The following FBN3 variants were observed in gnomAD, a reference collection of about 807,000 sequenced individuals.
FBN3 encodes the protein fibrillin 3, also known as fibrillin-3.
FBN3 carries 234 observed loss-of-function variants against 330.1 expected under a neutral mutation model. The observed-to-expected ratio is 0.71, with a 90% CI of 0.64 to 0.79. The LOEUF is 0.79. FBN3 is among the 30% of genes least tolerant of loss of function. FBN3 has a pLI of 0.00. For synonymous variants in FBN3, 1,458 were observed against 1,517.3 expected, an observed-to-expected ratio of 0.96 and a Z score of 0.91; for missense variants, 3,606 against 3,886.9, an observed-to-expected ratio of 0.93 and a Z score of 1.92.
At chr19:8,111,613 C>T in intron 32 of FBN3, 35 bp downstream of exon 32, 3 of 1,447,270 alleles carry the variant, frequency 2.1e-6, no homozygotes, top group Non-Finnish European at 2.9e-6. Context: ...GGCTGTCCCT[C>T]TAGGGCCCCT....
At chr19:8,135,939 C>A in intron 13 of FBN3, 22 bp downstream of exon 13, 6 of 385,868 alleles carry the variant, frequency 1.6e-5, no homozygotes, top group South Asian at 3.9e-5. Context: ...AGCCCCTGCC[C>A]ACCCGCCCAC....
intron 13 of FBN3, 27 bp downstream of exon 13, chr19:8,135,934 C>CAGGGGG: frequency 1.6e-6 from 2 of 1,284,382 alleles, no homozygotes; most frequent in Non-Finnish European, 2.1e-6. Context: ...CCGGAAGCCC[C>CAGGGGG]TGCCCACCCG....
chr19:8,092,051 G>A (rs991142347), intron 47 of FBN3, among the ~76,000 whole-genome samples: 2 of 151,870 alleles, frequency 1.3e-5, no homozygotes, highest in Non-Finnish European at 2.9e-5. Flanking sequence ...GGTGGTGGGC[G>A]CCTGTAGTCC....
chr19:8,141,880 A>T, intron 7 of FBN3, 38 bp from the exon 8 acceptor site: 1 of 1,612,522 alleles, frequency 6.2e-7, no homozygotes, highest in Non-Finnish European at 8.5e-7. Context: ...TGAGAGGCCC[A>T]TCGGAGGGAA....
At chr19:8,122,656 C>T (rs1186230878) in intron 24 of FBN3, among the ~76,000 whole-genome samples, 4 of 149,838 alleles carry the variant, frequency 2.7e-5, no homozygotes, top group South Asian at 2.1e-4. Flanking sequence ...TGTGATCCAT[C>T]GCACCTGGCC....
intron 13 of FBN3, among the ~76,000 whole-genome samples, chr19:8,134,544 G>A (rs2083233175): frequency 6.6e-6 from 1 of 152,120 alleles, no homozygotes; most frequent in Admixed American, 6.5e-5. Context: ...AAGAAGCTGT[G>A]GTTGTCTGTG....
intron 54 of FBN3, 122 bp from the exon 55 acceptor site, chr19:8,086,447 T>A (rs564694178): frequency 5.5e-4 from 179 of 326,462 alleles, no homozygotes; most frequent in African/African-American, 2.4e-3. Flanking sequence ...TTTATTTATT[T>A]TTATTATTAT....
intron 8 of FBN3, among the ~76,000 whole-genome samples, chr19:8,140,094 G>A (rs891808916): frequency 2.0e-5 from 3 of 152,150 alleles, no homozygotes; most frequent in East Asian, 1.9e-4. Context: ...AGAGGAGGAC[G>A]GGAAACTCGA....
Position 8,121,568 on chromosome 19 carries a change from T to C in FBN3, c.3083-182A>G, listed in dbSNP as rs540060661. Among the ~76,000 whole-genome samples, 129 of 151,924 alleles carry C rather than the reference T, an allele frequency of 8.5e-4. No homozygotes were observed. The highest frequency in any genetic ancestry group is 9.7e-4 in the Non-Finnish European group (66 of 67,988). Reference sequence around the variant, plus strand: ...CATGATGGGGTGCCGTATGGGGTCATCGAATCTGTAGATATGACAGGCAGA... The same window carrying C: ...CATGATGGGGTGCCGTATGGGGTCACCGAATCTGTAGATATGACAGGCAGA... On this transcript the variant is annotated intron_variant, in intron 24 of 63. Coordinates refer to ENST00000600128, the MANE Select transcript of FBN3 (RefSeq NM_032447.5). The surrounding 1 kb of genome is among the most constrained non-coding windows in gnomAD (Gnocchi z 4.5).
rs2082200818 is a variant in FBN3 at position 8,095,997 on chromosome 19, C to T, written c.5623G>A (p.Gly1875Ser). The change falls in exon 45 of 64, where the codon GGC (glycine) becomes AGC (serine). Residue 1875 changes from glycine to serine, a missense_variant. Physicochemically the swap from Gly to Ser is moderately conservative, Grantham distance 56. Coordinates refer to ENST00000600128, the MANE Select transcript of FBN3 (RefSeq NM_032447.5). Reference sequence around the variant, plus strand: ...TCCCCATTGTGTGTCACCACAAAGCCAGGGAAGCAGAGGCAGTTGTAGGAG... The same window carrying T: ...TCCCCATTGTGTGTCACCACAAAGCTAGGGAAGCAGAGGCAGTTGTAGGAG... ...IGSYNCLCFP[G>S]FVVTHNGDCV... 1.2e-6 allele frequency: 2 copies of T among 1,613,886 alleles called. No homozygotes were observed. The highest frequency in any genetic ancestry group is 1.7e-5 in the Admixed American group (1 of 60,006).
intron 1 of FBN3, among the ~76,000 whole-genome samples, chr19:8,148,101 G>A (rs369844416): frequency 1.3e-5 from 2 of 152,182 alleles, no homozygotes; most frequent in South Asian, 2.1e-4. Context: ...ATGGTAAGTC[G>A]TGGAAGGCAA....
intron 55 of FBN3, 26 bp from the exon 56 acceptor site, chr19:8,085,595 C>A: frequency 6.6e-7 from 1 of 1,505,340 alleles, no homozygotes; most frequent in Non-Finnish European, 8.9e-7. Flanking sequence ...GGAAAGACAA[C>A]GGTCACTCCA....
chr19:8,107,844 A>G (rs2082482587), intron 37 of FBN3, among the ~76,000 whole-genome samples: 1 of 151,536 alleles, frequency 6.6e-6, no homozygotes, highest in African/African-American at 2.4e-5. Context: ...GAATGGCTGG[A>G]TGGATGGGTA....
chr19:8,131,190 T>G lies in FBN3; in HGVS notation c.2044+45A>C, dbSNP rs1599417811. 1.3e-6 allele frequency: 2 copies of G among 1,576,690 alleles called. No individual in the cohort carries two copies. Among genetic ancestry groups the G allele is most frequent in the South Asian group, 1.2e-5 (1 of 86,364 alleles). On this transcript the variant is annotated intron_variant, in intron 16 of 63. Transcript: ENST00000600128. The surrounding 1 kb of genome is among the most constrained non-coding windows in gnomAD (Gnocchi z 4.5). Reference sequence around the variant, plus strand: ...CCACCACAGCTCTCCCCACATCTGGTAGGGGCAGGCTGGCTGCTGTTTGGA... The same window carrying G: ...CCACCACAGCTCTCCCCACATCTGGGAGGGGCAGGCTGGCTGCTGTTTGGA...
chr19:8,074,744 T>G, intron 61 of FBN3: 1 of 278,888 alleles, frequency 3.6e-6, no homozygotes, highest in Non-Finnish European at 6.8e-6. Flanking sequence ...CAGACATCAC[T>G]AATCACACTC....
At position 8,076,247 on chromosome 19, in the gene FBN3, C is replaced by CATGTGTGTGTGTGTGTGTGTGT. The variant is rs60725609; in HGVS notation, c.7454-837_7454-836insACACACACACACACACACACAT. The stretch of plus-strand genomic sequence containing the variant: ...AACCAGTGTATGGGTTGTCCGTGTG[C>CATGTGTGTGTGTGTGTGTGTGT]GTGTGTGTGTGTGTGTGTGTGTGTG... On this transcript the variant is annotated intron_variant, in intron 59 of 63. Transcript: ENST00000600128. Among the ~76,000 whole-genome samples, 102 of 147,752 alleles carry CATGTGTGTGTGTGTGTGTGTGT rather than the reference C, an allele frequency of 6.9e-4. 1 individual carries two copies. Among genetic ancestry groups the CATGTGTGTGTGTGTGTGTGTGT allele is most frequent in the African/African-American group, 2.1e-3 (84 of 40,040 alleles).
chr19:8,093,752 TCAAAA>T (rs1454583840), intron 47 of FBN3, among the ~76,000 whole-genome samples: 2 of 151,972 alleles, frequency 1.3e-5, no homozygotes, highest in East Asian at 1.9e-4. Flanking sequence ...GAGACTCCTC[TCAAAA>T]CAAAACAAAC....
intron 61 of FBN3, among the ~76,000 whole-genome samples, chr19:8,074,544 A>C (rs1271537707): frequency 6.6e-6 from 1 of 151,542 alleles, no homozygotes; most frequent in African/African-American, 2.4e-5. Context: ...AAAATGGTAG[A>C]GGGTGAAAGC....
chr19:8,113,087 T>C lies in FBN3; in HGVS notation c.3839-988A>G, dbSNP rs565857832. ...ATGTAACTAAGTTAAGATGAGGTCA[T>C]CCCGGATTAGTGTAGGCTCCCATCC... On this transcript the variant is annotated intron_variant, in intron 30 of 63. Coordinates refer to ENST00000600128, the MANE Select transcript of FBN3 (RefSeq NM_032447.5). Among the ~76,000 whole-genome samples the C allele has an allele frequency of 2.2e-3, 334 of 152,296 alleles. 3 individuals carry two copies. Among genetic ancestry groups the C allele is most frequent in the Non-Finnish European group, 2.1e-3 (143 of 68,028 alleles).
Sources: allele counts gnomAD v4.1 joint callset (sites outside exome capture counted in the v4.1 genomes callset), GRCh38; gene constraint gnomAD v4.1.1; non-coding constraint Gnocchi (gnomAD v3.1); transcripts MANE v1.5; gene names NCBI Gene and HGNC (gene_info 2026-07-23, HGNC 2026-07-21).